The following URB1 variants were observed in gnomAD, a reference collection of about 807,000 sequenced individuals.
URB1 encodes URB1 ribosome biogenesis factor, also known as nucleolar pre-ribosomal-associated protein 1.
Under a neutral mutation model 242.3 loss-of-function variants are expected in URB1, and 197 were observed. The ratio of observed to expected loss-of-function variants is 0.81; its 90% CI spans 0.72 to 0.91. The LOEUF is 0.91. URB1 is among the 40% of genes least tolerant of loss of function. URB1 has a pLI of 0.00. For missense variants in URB1, 2,721 were observed against 2,860.5 expected (o/e 0.95, Z 1.11); for synonymous variants, 1,153 against 1,201.8 (o/e 0.96, Z 0.84).
At chr21:32,344,232 C>T (rs2033060788) in intron 24 of URB1, among the ~76,000 whole-genome samples, 1 of 152,276 alleles carries the variant, frequency 6.6e-6, no homozygotes, top group Middle Eastern at 3.4e-3. Flanking sequence ...AGGCTTATCC[C>T]AGGAATGCAA....
At chr21:32,361,183 G>GAAAGAAAGAAAGAAAC in intron 12 of URB1, 60 bp from the exon 13 acceptor site, 1 of 810,286 alleles carries the variant, frequency 1.2e-6, no homozygotes. Context: ...AAGAAAGAAA[G>GAAAGAAAGAAAGAAAC]AAAGAAAGAA....
intron 14 of URB1, 116 bp from the exon 15 acceptor site, chr21:32,357,772 A>T (rs1601143575): frequency 2.3e-6 from 2 of 861,618 alleles, no homozygotes; most frequent in Non-Finnish European, 2.9e-6. Flanking sequence ...TTACACCTGT[A>T]ATCTCAGCAC....
At chr21:32,315,986 T>C (rs984024807) in intron 38 of URB1, among the ~76,000 whole-genome samples, 1 of 152,242 alleles carries the variant, frequency 6.6e-6, no homozygotes, top group Non-Finnish European at 1.5e-5. Flanking sequence ...ACTGCTAGGC[T>C]CCTAGTGACT....
Position 32,311,775 on chromosome 21 carries a change from C to A in URB1, c.*3143G>T, listed in dbSNP as rs768317959. On this transcript the variant is annotated 3_prime_UTR_variant, in exon 39 of 39. Transcript: ENST00000382751. ...GAAGTGCCTGCCGTGCCACAGGGAA[C>A]CCCTGGCAACCTCACAGGCTCAGGC... 23 of 1,614,166 alleles carry A rather than the reference C, an allele frequency of 1.4e-5. No individual in the cohort carries two copies. The highest frequency in any genetic ancestry group is 1.9e-5 in the Non-Finnish European group (22 of 1,180,034).
At chr21:32,377,815 G>A (rs1319696881) in intron 5 of URB1, among the ~76,000 whole-genome samples, 2 of 152,146 alleles carry the variant, frequency 1.3e-5, no homozygotes, top group Non-Finnish European at 2.9e-5. Flanking sequence ...CCAGGACATG[G>A]GACTGCTCCT....
At chr21:32,324,116 C>A (rs2032798994) in intron 32 of URB1, among the ~76,000 whole-genome samples, 1 of 152,190 alleles carries the variant, frequency 6.6e-6, no homozygotes, top group Non-Finnish European at 1.5e-5. Context: ...GGGTTCCAAT[C>A]CCTATGATGT....
chr21:32,357,325 A>C (rs1042370205), intron 15 of URB1, among the ~76,000 whole-genome samples: 15 of 152,292 alleles, frequency 9.8e-5, no homozygotes, highest in Admixed American at 7.2e-4. Flanking sequence ...AAAAAAAAAA[A>C]AAAAAAACAT....
At chr21:32,347,840 C>G (rs1026618350) in intron 21 of URB1, 29 bp from the exon 22 acceptor site, 2 of 1,519,894 alleles carry the variant, frequency 1.3e-6, no homozygotes, top group African/African-American at 2.7e-5. Context: ...GCACAGACGT[C>G]ACATAGAGCA....
At chr21:32,332,834 C>T (rs1319172311) in intron 30 of URB1, among the ~76,000 whole-genome samples, 2 of 152,098 alleles carry the variant, frequency 1.3e-5, no homozygotes, top group African/African-American at 2.4e-5. Context: ...TCTCAATGTG[C>T]GTTACATGGA....
chr21:32,357,510 A>C, intron 15 of URB1, 27 bp downstream of exon 15: 1 of 1,477,438 alleles, frequency 6.8e-7, no homozygotes, highest in African/African-American at 1.4e-5. Context: ...TGCTTTTCAG[A>C]GTTAGAAACT....
At chr21:32,349,228 G>GT in intron 21 of URB1, 76 bp downstream of exon 21, 1 of 1,432,900 alleles carries the variant, frequency 7.0e-7, no homozygotes, top group Non-Finnish European at 9.2e-7. Flanking sequence ...ACCTATGTTT[G>GT]TTTTTAATCA....
chr21:32,372,729 AT>A, intron 7 of URB1, 98 bp from the exon 8 acceptor site: 1 of 1,334,202 alleles, frequency 7.5e-7, no homozygotes, highest in Non-Finnish European at 9.9e-7. Context: ...GCCGATGACA[AT>A]TTAGAAAACA....
chr21:32,353,742 T>C (rs1306432605), intron 18 of URB1, among the ~76,000 whole-genome samples, 191 bp downstream of exon 18: 1 of 152,204 alleles, frequency 6.6e-6, no homozygotes, highest in African/African-American at 2.4e-5. Flanking sequence ...CCCAAAAGCC[T>C]AGCCAGCCCC....
At chr21:32,381,555 C>T (rs2033527519) in intron 4 of URB1, among the ~76,000 whole-genome samples, 2 of 151,698 alleles carry the variant, frequency 1.3e-5, no homozygotes, top group African/African-American at 4.8e-5. Context: ...AGAAACATAT[C>T]AACCAAATGC....
At chr21:32,338,551 C>T (rs891605130) in intron 26 of URB1, among the ~76,000 whole-genome samples, 156 bp downstream of exon 26, 4 of 152,324 alleles carry the variant, frequency 2.6e-5, no homozygotes, top group Admixed American at 1.3e-4. Flanking sequence ...CATTTCTTCA[C>T]CCTGGATTTG....
chr21:32,352,651 T>G, intron 19 of URB1, 59 bp downstream of exon 19: 1 of 1,544,474 alleles, frequency 6.5e-7, no homozygotes, highest in Non-Finnish European at 8.7e-7. Flanking sequence ...CCCAGCCAGC[T>G]GGGACCCTGG....
In URB1 at chr21:32,312,052, C is replaced by A; in HGVS notation, c.*2866G>T. 1 of 1,609,888 alleles carries A rather than the reference C, an allele frequency of 6.2e-7. No individual in the cohort carries two copies. The highest frequency in any genetic ancestry group is 8.5e-7 in the Non-Finnish European group (1 of 1,179,998). ...ACTGGTGAAATCAAGCCAACCTGGA[C>A]ACATACGTTCCTCGTTCTTCTTAGA... On this transcript the variant is annotated 3_prime_UTR_variant, in exon 39 of 39. Coordinates refer to ENST00000382751, the MANE Select transcript of URB1 (RefSeq NM_014825.3).
In URB1 at chr21:32,311,303, C is replaced by T. The variant is rs944123976; in HGVS notation, c.*3615G>A. 3.8e-5 allele frequency: 8 copies of T among 212,942 alleles called. No homozygotes were observed. Among genetic ancestry groups the T allele is most frequent in the South Asian group, 1.2e-4 (1 of 8,474 alleles). The allele number at this position is 212,942 out of a possible 1,614,324, so 13.2% of individuals were successfully genotyped here. A position where few individuals can be genotyped will look rare whatever the true frequency, so the allele number is the denominator to read the frequency against. ...ATTCAAGGTGAGATTTGTGTCGTGA[C>T]GCAGCCAAACCATATCACCAAGATA... is the stretch of plus-strand genomic sequence containing the variant. On this transcript the variant is annotated 3_prime_UTR_variant, in exon 39 of 39. Coordinates refer to ENST00000382751, the MANE Select transcript of URB1 (RefSeq NM_014825.3).
At chr21:32,377,410 G>T in intron 5 of URB1, 4 of 457,920 alleles carry the variant, frequency 8.7e-6, no homozygotes, top group South Asian at 6.4e-5. Flanking sequence ...CTTCAACAGT[G>T]TAAATGGTAC....
Sources: gnomAD v4.1 joint callset for allele counts (sites outside exome capture counted in the v4.1 genomes callset) on GRCh38, gnomAD v4.1.1 for gene constraint, MANE v1.5 for transcripts, NCBI Gene and HGNC (gene_info 2026-07-23, HGNC 2026-07-21) for gene names.